DHX35: variants seen among roughly 807,000 people sequenced by gnomAD.
The protein encoded by DHX35 is DEAH-box helicase 35.
Under a neutral mutation model 99.6 loss-of-function variants are expected in DHX35, and 84 were observed. The ratio of observed to expected loss-of-function variants is 0.84; its 90% CI spans 0.71 to 1.01. DHX35 has a LOEUF of 1.01. Ranked by LOEUF, DHX35 falls within the 50% of genes least tolerant of loss-of-function variation. The pLI, the probability that DHX35 is intolerant of heterozygous loss-of-function variation, is 0.00. For synonymous variants in DHX35, 331 were observed against 316.2 expected (o/e 1.05, Z -0.50); for missense variants, 852 against 888.5 (o/e 0.96, Z 0.52).
At chr20:39,021,960 G>A in intron 16 of DHX35, 25 bp downstream of exon 16, 1 of 1,608,948 alleles carries the variant, frequency 6.2e-7, no homozygotes. Context: ...TCCCCAGGCT[G>A]TCTGTACCAG....
At chr20:39,031,607 G>A (rs1019644926) in intron 20 of DHX35, among the ~76,000 whole-genome samples, 1 of 152,134 alleles carries the variant, frequency 6.6e-6, no homozygotes, top group Non-Finnish European at 1.5e-5. Context: ...AAAGCTCTGG[G>A]ATTACAGGCA....
At chr20:38,975,312 C>G (rs763679872) in intron 3 of DHX35, among the ~76,000 whole-genome samples, 4 of 152,028 alleles carry the variant, frequency 2.6e-5, no homozygotes, top group Non-Finnish European at 4.4e-5. Flanking sequence ...AATTGAGAGC[C>G]TAGTAAGTTA....
intron 12 of DHX35, among the ~76,000 whole-genome samples, chr20:39,009,823 T>G (rs576266522): frequency 1.4e-4 from 22 of 152,306 alleles, no homozygotes; most frequent in Admixed American, 5.9e-4. Context: ...CCTGGCTTGT[T>G]GATTTAAAAA....
At chr20:39,004,265 C>CCT (rs1231061802) in intron 11 of DHX35, among the ~76,000 whole-genome samples, 1 of 152,090 alleles carries the variant, frequency 6.6e-6, no homozygotes, top group African/African-American at 2.4e-5. Context: ...CGGGGTTTCA[C>CCT]TAAGTTAGCC....
intron 12 of DHX35, 139 bp from the exon 13 acceptor site, chr20:39,010,140 AT>A: frequency 9.3e-7 from 1 of 1,071,664 alleles, no homozygotes. Context: ...AAATAACTTT[AT>A]ATCATGGTAT....
intron 11 of DHX35, among the ~76,000 whole-genome samples, chr20:39,005,461 T>C (rs2086600596): frequency 6.6e-6 from 1 of 152,228 alleles, no homozygotes. Flanking sequence ...TCACAGAGGC[T>C]CTGCCTGGCC....
chr20:39,024,087 A>G (rs1189716917), intron 17 of DHX35, among the ~76,000 whole-genome samples: 1 of 152,242 alleles, frequency 6.6e-6, no homozygotes, highest in Non-Finnish European at 1.5e-5. Flanking sequence ...CAACATTTGA[A>G]TAGGAAGTTC....
intron 7 of DHX35, among the ~76,000 whole-genome samples, chr20:38,994,469 A>T (rs1049101715): frequency 6.6e-6 from 1 of 152,060 alleles, no homozygotes; most frequent in Middle Eastern, 3.4e-3. Context: ...TTTTTCATAC[A>T]TAGATTCAAA....
intron 3 of DHX35, among the ~76,000 whole-genome samples, chr20:38,976,360 G>A (rs1297382004): frequency 1.4e-5 from 2 of 148,112 alleles, no homozygotes; most frequent in African/African-American, 2.5e-5. Context: ...GTGTGTGTAT[G>A]CACATATATG....
At position 38,983,700 on chromosome 20, in the gene DHX35, A is replaced by G. The variant is rs756515350; in HGVS notation, c.269A>G (p.Tyr90Cys). The change falls in exon 4 of 22, where the codon TAC (tyrosine) becomes TGC (cysteine). Residue 90 changes from tyrosine (Y) to cysteine (C), a missense_variant and splice_region_variant. By Grantham distance (194) the Tyr-to-Cys change is radical. Transcript: ENST00000252011. Reference protein sequence around the residue: ...GCGKSTQIPQYLAEAGWTAEG... With the variant: ...GCGKSTQIPQCLAEAGWTAEG... ...ACTTAGATGTGATTTTGTTTGTAGTACCTTGCAGAAGCCGGCTGGACAGCT... is the reference window on the plus strand; with the variant it reads ...ACTTAGATGTGATTTTGTTTGTAGTGCCTTGCAGAAGCCGGCTGGACAGCT... 1 of 1,613,998 alleles carries G rather than the reference A, an allele frequency of 6.2e-7. No homozygotes were observed. Among genetic ancestry groups the G allele is most frequent in the Non-Finnish European group, 8.5e-7 (1 of 1,179,910 alleles).
At chr20:39,037,779 C>A (rs907364209) in intron 21 of DHX35, among the ~76,000 whole-genome samples, 20 of 152,346 alleles carry the variant, frequency 1.3e-4, no homozygotes, top group African/African-American at 4.8e-4. Flanking sequence ...CACTCTGCCT[C>A]AAAGGCATAT....
At chr20:39,015,154 T>C (rs1225518151) in intron 14 of DHX35, among the ~76,000 whole-genome samples, 1 of 152,210 alleles carries the variant, frequency 6.6e-6, no homozygotes, top group African/African-American at 2.4e-5. Flanking sequence ...ACATGCCAGT[T>C]CGTCAGAAGC....
intron 3 of DHX35, 80 bp downstream of exon 3, chr20:38,972,731 C>T: frequency 1.1e-6 from 1 of 892,818 alleles, no homozygotes; most frequent in Non-Finnish European, 1.8e-6. Context: ...TCTTTACTAT[C>T]ATTTACATTT....
chr20:38,983,764 G>A lies in DHX35; in HGVS notation c.333G>A (p.Val111=). The change falls in exon 4 of 22, where the codon GTG becomes GTA. Residue 111 remains valine, a synonymous_variant. Coordinates refer to ENST00000252011, the MANE Select transcript of DHX35 (RefSeq NM_021931.4). ...TAGGAGTGACCCAGCCTCGAAGAGT[G>A]GCTGCTGTTACAGTGAGTTTCTTTT... is the stretch of plus-strand genomic sequence containing the variant. ...RVVGVTQPRR[V]AAVTVAGRVA... is the part of the protein sequence containing the mutation. 6.2e-7 allele frequency: 1 copy of A among 1,613,748 alleles called. No homozygotes were observed. The highest frequency in any genetic ancestry group is 8.5e-7 in the Non-Finnish European group (1 of 1,179,800).
chr20:38,993,046 T>C (rs1360254186), intron 7 of DHX35, among the ~76,000 whole-genome samples: 1 of 152,174 alleles, frequency 6.6e-6, no homozygotes, highest in Non-Finnish European at 1.5e-5. Flanking sequence ...TAACCTCCAC[T>C]CTCTCCTCCC....
chr20:38,997,189 GC>G (rs1289596331), intron 8 of DHX35, among the ~76,000 whole-genome samples: 1 of 152,004 alleles, frequency 6.6e-6, no homozygotes. Flanking sequence ...TCGTGCTTCA[GC>G]CTCCCAAGTA....
chr20:39,033,978 T>G (rs1194429255), intron 20 of DHX35, among the ~76,000 whole-genome samples: 1 of 152,208 alleles, frequency 6.6e-6, no homozygotes, highest in Non-Finnish European at 1.5e-5. Context: ...AACTGAGATG[T>G]TCCAGAAGTC....
Position 38,963,904 on chromosome 20 carries a change from G to A in DHX35, c.40+1497G>A, listed in dbSNP as rs75312021. Among the ~76,000 whole-genome samples, 163 of 152,294 alleles carry A rather than the reference G, an allele frequency of 1.1e-3. 1 individual carries two copies. The highest frequency in any genetic ancestry group is 3.8e-3 in the African/African-American group (159 of 41,568). Reference sequence around the variant, plus strand: ...GTAAAGAAGATGAGCTCTAGAGTCAGACTGCAGTGCCCATCATGTCTACCA... The same window carrying A: ...GTAAAGAAGATGAGCTCTAGAGTCAAACTGCAGTGCCCATCATGTCTACCA... On this transcript the variant is annotated intron_variant, in intron 1 of 21. Transcript: ENST00000252011.
At chr20:38,986,508 A>AT (rs1406956699) in intron 4 of DHX35, among the ~76,000 whole-genome samples, 1 of 152,112 alleles carries the variant, frequency 6.6e-6, no homozygotes. Context: ...ATTTATGCTC[A>AT]TTTTTTTAAA....
Sources: gnomAD v4.1 joint callset for allele counts (sites outside exome capture counted in the v4.1 genomes callset) on GRCh38, gnomAD v4.1.1 for gene constraint, MANE v1.5 for transcripts, NCBI Gene and HGNC (gene_info 2026-07-23, HGNC 2026-07-21) for gene names.